The following ZBED4 variants were observed in gnomAD, a reference collection of about 807,000 sequenced individuals.
The protein encoded by ZBED4 is zinc finger BED-type containing 4, also known as zinc finger BED domain-containing protein 4.
In ZBED4, 4 loss-of-function variants were observed where a neutral mutation model predicts 15.5. That is an observed-to-expected ratio of 0.26 (90% CI 0.13 to 0.59). The LOEUF is 0.59. Ranked by LOEUF, ZBED4 falls within the 20% of genes least tolerant of loss-of-function variation. The pLI, the probability that ZBED4 is intolerant of heterozygous loss-of-function variation, is 0.90. For synonymous variants in ZBED4, 692 were observed against 608.5 expected (o/e 1.14, Z -2.02); for missense variants, 1,323 against 1,461.8 (o/e 0.91, Z 1.55).
intron 1 of ZBED4, among the ~76,000 whole-genome samples, chr22:49,877,978 A>G (rs369644687): frequency 8.6e-4 from 131 of 152,276 alleles, no homozygotes; most frequent in African/African-American, 3.0e-3. Context: ...TTTAGATACT[A>G]CATATAAAGC....
intron 1 of ZBED4, among the ~76,000 whole-genome samples, chr22:49,864,941 C>CT (rs1314243987): frequency 6.8e-5 from 1 of 14,804 alleles, no homozygotes. Flanking sequence ...CAGCAAGCCC[C>CT]CCCCCCCCCC....
chr22:49,867,032 G>GGTA (rs2060325205), intron 1 of ZBED4, among the ~76,000 whole-genome samples: 1 of 152,144 alleles, frequency 6.6e-6, no homozygotes, highest in Non-Finnish European at 1.5e-5. Context: ...TTCTAACACA[G>GGTA]GTATGTAGAG....
Position 49,885,902 on chromosome 22 carries a change from C to A in ZBED4, c.2240C>A (p.Thr747Lys). Reference sequence around the variant, plus strand: ...CAGACCCGTGAGTACCTGACCCTCACGGCCCACTGGGTTTCCTTCGAGTCG... The same window carrying A: ...CAGACCCGTGAGTACCTGACCCTCAAGGCCCACTGGGTTTCCTTCGAGTCG... ...SNQTREYLTL[T>K]AHWVSFESPA... The change falls in exon 2 of 2, where the codon ACG (threonine) becomes AAG (lysine). Residue 747 changes from threonine (T) to lysine (K), a missense_variant. By Grantham distance (78) the Thr-to-Lys change is moderately conservative (BLOSUM62 -1). Coordinates refer to ENST00000216268, the MANE Select transcript of ZBED4 (RefSeq NM_014838.3). 1 of 1,048,080 alleles carries A rather than the reference C, an allele frequency of 9.5e-7. No homozygotes were observed. Among genetic ancestry groups the A allele is most frequent in the Non-Finnish European group, 1.5e-6 (1 of 679,170 alleles). The allele number at this position is 1,048,080 out of a possible 1,614,324, so 64.9% of individuals were successfully genotyped here. A position where few individuals can be genotyped will look rare whatever the true frequency, so the allele number is the denominator to read the frequency against.
intron 1 of ZBED4, among the ~76,000 whole-genome samples, chr22:49,858,853 CTT>C (rs1226324838): frequency 6.6e-6 from 1 of 152,182 alleles, no homozygotes; most frequent in Non-Finnish European, 1.5e-5. Context: ...TGTGAGGTCT[CTT>C]TGCGTTCCGG....
intron 1 of ZBED4, among the ~76,000 whole-genome samples, chr22:49,871,434 G>A (rs780435829): frequency 3.9e-5 from 6 of 151,930 alleles, no homozygotes; most frequent in East Asian, 2.0e-4. Context: ...ACAGTGAGCC[G>A]ATATTGCCAC....
intron 1 of ZBED4, among the ~76,000 whole-genome samples, chr22:49,859,451 C>T (rs949655504): frequency 3.3e-5 from 5 of 152,144 alleles, no homozygotes; most frequent in African/African-American, 9.7e-5. Context: ...CCTTTTCACT[C>T]CATACGTGGT....
intron 1 of ZBED4, among the ~76,000 whole-genome samples, chr22:49,863,581 C>T (rs1202355892): frequency 6.6e-6 from 1 of 150,590 alleles, no homozygotes; most frequent in Admixed American, 6.6e-5. Context: ...GAGCTGAGAT[C>T]GCGCCACCGC....
intron 1 of ZBED4, among the ~76,000 whole-genome samples, chr22:49,878,301 CAAA>C (rs71196388): frequency 2.8e-5 from 3 of 107,208 alleles, no homozygotes; most frequent in Non-Finnish European, 3.5e-5. Flanking sequence ...GACACTGTCT[CAAA>C]AAAAAAAAAA....
chr22:49,875,712 C>T lies in ZBED4; in HGVS notation c.-329-7622C>T, dbSNP rs375486730. Among the ~76,000 whole-genome samples, 20 of 152,218 alleles carry T rather than the reference C, an allele frequency of 1.3e-4. No individual in the cohort carries two copies. In the East Asian group the frequency reaches 1.4e-3, roughly 10 times the overall value. ...CTGGGATTACAGGCGTGAGTCACCCCGCCCAGCTTGTCCATTTCATCTGAG... is the reference window on the plus strand; with the variant it reads ...CTGGGATTACAGGCGTGAGTCACCCTGCCCAGCTTGTCCATTTCATCTGAG... On this transcript the variant is annotated intron_variant, in intron 1 of 1. Transcript: ENST00000216268.
chr22:49,886,494 C>T lies in ZBED4; in HGVS notation c.2832C>T (p.Ser944=). ...CRALKPFEAA[S]REMSTQMSTL... ...CGCTAAAGCCCTTCGAGGCTGCGAG[C>T]CGGGAGATGAGCACGCAGATGTCCA... The change falls in exon 2 of 2, where the codon AGC becomes AGT. Residue 944 remains serine, a synonymous_variant. Coordinates refer to ENST00000216268, the MANE Select transcript of ZBED4 (RefSeq NM_014838.3). The surrounding 1 kb of genome is among the most constrained non-coding windows in gnomAD (Gnocchi z 7.7). 1 of 1,565,788 alleles carries T rather than the reference C, an allele frequency of 6.4e-7. No homozygotes were observed. The highest frequency in any genetic ancestry group is 8.7e-7 in the Non-Finnish European group (1 of 1,154,318).
chr22:49,853,917 T>C lies in ZBED4; in HGVS notation c.-402T>C, dbSNP rs906780838. On this transcript the variant is annotated 5_prime_UTR_variant, in exon 1 of 2. Coordinates refer to ENST00000216268, the MANE Select transcript of ZBED4 (RefSeq NM_014838.3). The stretch of plus-strand genomic sequence containing the variant: ...GGCGCGGGGGCAGACAAAGCCGCGG[T>C]AATGAATGGAGCGTCCGCCCGCGCC... The C allele has an allele frequency of 7.1e-6, 1 of 140,712 alleles. No individual in the cohort carries two copies. Among genetic ancestry groups the C allele is most frequent in the Non-Finnish European group, 1.6e-5 (1 of 64,164 alleles). 8.7% of individuals were successfully genotyped at this position (140,712 alleles called of 1,614,324 possible).
chr22:49,872,765 C>T (rs1394786518), intron 1 of ZBED4, among the ~76,000 whole-genome samples: 1 of 151,434 alleles, frequency 6.6e-6, no homozygotes, highest in South Asian at 2.1e-4. Context: ...AGTGCAGTGA[C>T]GTGATCGCGG....
In ZBED4 at chr22:49,880,318, G is replaced by A. The variant is rs114564950; in HGVS notation, c.-329-3016G>A. Among the ~76,000 whole-genome samples the A allele has an allele frequency of 8.2e-3, 1,247 of 152,300 alleles. 20 individuals carry two copies. The highest frequency in any genetic ancestry group is 0.029 in the African/African-American group (1,209 of 41,558). On this transcript the variant is annotated intron_variant, in intron 1 of 1. Transcript: ENST00000216268. ...TTTCCCCTTTGGTTCTCTGAGGGTG[G>A]TTTCCTCAAATGCAGATGCAGATCA... is the stretch of plus-strand genomic sequence containing the variant.
intron 1 of ZBED4, among the ~76,000 whole-genome samples, chr22:49,864,727 G>A (rs1454559503): frequency 1.3e-5 from 2 of 148,826 alleles, no homozygotes; most frequent in African/African-American, 2.5e-5. Context: ...AGGCTGAGGC[G>A]GGAGGATTGC....
At position 49,886,636 on chromosome 22, in the gene ZBED4, C is replaced by T. The variant is rs973653028; in HGVS notation, c.2974C>T (p.Arg992Cys). The T allele has an allele frequency of 6.3e-6, 10 of 1,588,568 alleles. No individual in the cohort carries two copies. The highest frequency in any genetic ancestry group is 2.3e-5 in the South Asian group (2 of 87,274). ...CTCTCTGAAGGAGGCCATGGTGAGC[C>T]GCCTGTCTGCCACCCTCCACGACCC... Reference protein sequence around the residue: ...LRSLKEAMVSRLSATLHDPRY... With the variant: ...LRSLKEAMVSCLSATLHDPRY... Residue 992 changes from arginine to cysteine, a missense_variant, in exon 2 of 2, where the codon CGC becomes TGC. Transcript: ENST00000216268. The surrounding 1 kb of genome is among the most constrained non-coding windows in gnomAD (Gnocchi z 7.7).
In ZBED4 at chr22:49,884,562, C is replaced by T. The variant is rs969104853; in HGVS notation, c.900C>T (p.Asp300=). ...AGCACTTCTACCTGTCGCCACTGGA[C>T]AACTCCAAAGCTGTCTGCATTCACT... is the stretch of plus-strand genomic sequence containing the variant. ...VWKHFYLSPL[D]NSKAVCIHCM... is the part of the protein sequence containing the mutation. Residue 300 remains aspartate, a synonymous_variant, in exon 2 of 2, where the codon GAC becomes GAT. Transcript: ENST00000216268. 2.5e-6 allele frequency: 4 copies of T among 1,613,086 alleles called. No individual in the cohort carries two copies. The highest frequency in any genetic ancestry group is 2.7e-5 in the African/African-American group (2 of 74,918).
intron 1 of ZBED4, among the ~76,000 whole-genome samples, chr22:49,882,969 A>C (rs2060417083): frequency 6.6e-6 from 1 of 152,226 alleles, no homozygotes; most frequent in Non-Finnish European, 1.5e-5. Flanking sequence ...AATAGATCTC[A>C]AGGAATTCAG....
chr22:49,880,711 T>C (rs897653037), intron 1 of ZBED4, among the ~76,000 whole-genome samples: 2 of 152,258 alleles, frequency 1.3e-5, no homozygotes, highest in African/African-American at 4.8e-5. Flanking sequence ...TTTTATTTAT[T>C]CCTGATTCTT....
chr22:49,855,025 A>G (rs2060268947), intron 1 of ZBED4, among the ~76,000 whole-genome samples: 1 of 152,204 alleles, frequency 6.6e-6, no homozygotes, highest in South Asian at 2.1e-4. Context: ...AATAAGCCAC[A>G]TTTTGATTAT....
Sources: allele counts gnomAD v4.1 joint callset (sites outside exome capture counted in the v4.1 genomes callset), GRCh38; gene constraint gnomAD v4.1.1; non-coding constraint Gnocchi (gnomAD v3.1); transcripts MANE v1.5; gene names NCBI Gene and HGNC (gene_info 2026-07-23, HGNC 2026-07-21).